Variants in PDE8B observed in about 807,000 individuals in gnomAD.
PDE8B encodes the protein high affinity cAMP-specific and IBMX-insensitive 3',5'-cyclic phosphodiesterase 8B.
PDE8B carries 26 observed loss-of-function variants against 101.3 expected under a neutral mutation model. The ratio of observed to expected loss-of-function variants is 0.26; its 90% CI spans 0.19 to 0.36. The LOEUF is 0.36. PDE8B is among the 10% of genes least tolerant of loss of function. The probability of loss-of-function intolerance (pLI) is 1.00; values close to 1 mark genes in which losing one functional copy is unlikely to be tolerated. For synonymous variants in PDE8B, 424 were observed against 429.3 expected, an observed-to-expected ratio of 0.99 and a Z score of 0.15; for missense variants, 810 against 1,163.1, an observed-to-expected ratio of 0.70 and a Z score of 4.42.
chr5:77,273,864 C>A (rs1223986902), intron 1 of PDE8B, among the ~76,000 whole-genome samples: 1 of 150,098 alleles, frequency 6.7e-6, no homozygotes, highest in Non-Finnish European at 1.5e-5. Flanking sequence ...TTCTTGTTGC[C>A]CAGGCTGGAG....
intron 1 of PDE8B, among the ~76,000 whole-genome samples, chr5:77,236,121 G>A (rs1410044887): frequency 6.6e-6 from 1 of 152,246 alleles, no homozygotes; most frequent in African/African-American, 2.4e-5. Context: ...AAGGGAGTGA[G>A]CCATGTGGCT....
chr5:77,231,611 A>G (rs556123814), intron 1 of PDE8B, among the ~76,000 whole-genome samples: 65 of 152,360 alleles, frequency 4.3e-4, no homozygotes, highest in Middle Eastern at 6.8e-3. Flanking sequence ...AATTGATTGC[A>G]GTTGTCAAAG....
At chr5:77,315,382 G>A (rs1273533585) in intron 2 of PDE8B, among the ~76,000 whole-genome samples, 2 of 152,102 alleles carry the variant, frequency 1.3e-5, no homozygotes, top group African/African-American at 4.8e-5. Flanking sequence ...ATTAATGTCT[G>A]ATTGTTTCCA....
chr5:77,361,109 C>G (rs1409276734), intron 10 of PDE8B, among the ~76,000 whole-genome samples: 1 of 152,206 alleles, frequency 6.6e-6, no homozygotes, highest in African/African-American at 2.4e-5. Context: ...CATGTGTGCT[C>G]TTGACATTTG....
intron 1 of PDE8B, among the ~76,000 whole-genome samples, chr5:77,283,595 CGGA>C (rs1765438953): frequency 6.6e-6 from 1 of 152,176 alleles, no homozygotes; most frequent in South Asian, 2.1e-4. Context: ...ATGGCCTTTT[CGGA>C]TTGACTTGAC....
chr5:77,297,635 A>G (rs1273092637), intron 1 of PDE8B, among the ~76,000 whole-genome samples: 6 of 152,102 alleles, frequency 3.9e-5, no homozygotes, highest in African/African-American at 7.2e-5. Flanking sequence ...CCAGCCAACT[A>G]CAATCCAGCT....
At chr5:77,301,110 A>AAGTG (rs994095656) in intron 1 of PDE8B, among the ~76,000 whole-genome samples, 22 of 152,204 alleles carry the variant, frequency 1.4e-4, no homozygotes, top group African/African-American at 4.6e-4. Flanking sequence ...AGAGTCGGGA[A>AAGTG]AGTGAGTGTG....
chr5:77,164,313 G>A, the PDE8B span, among the ~76,000 whole-genome samples: 1 of 152,118 alleles, frequency 6.6e-6, no homozygotes, highest in African/African-American at 2.4e-5. Flanking sequence ...TAATGTGTGT[G>A]TTGTACCTAT....
the PDE8B span, among the ~76,000 whole-genome samples, chr5:77,157,724 T>C: frequency 2.4e-4 from 36 of 152,366 alleles, no homozygotes; most frequent in African/African-American, 8.4e-4. Flanking sequence ...TAGCTTAATT[T>C]GTGTTATGAA....
the PDE8B span, among the ~76,000 whole-genome samples, chr5:77,203,372 C>G: frequency 4.6e-5 from 7 of 152,182 alleles, no homozygotes; most frequent in Non-Finnish European, 8.8e-5. Flanking sequence ...AATGTTAACG[C>G]AATTCTCTTG....
chr5:77,317,738 G>A (rs1774074361), intron 2 of PDE8B, among the ~76,000 whole-genome samples: 1 of 152,098 alleles, frequency 6.6e-6, no homozygotes, highest in South Asian at 2.1e-4. Context: ...GAATGTATGT[G>A]TTTCTGCTTA....
the PDE8B span, among the ~76,000 whole-genome samples, chr5:77,191,187 C>T: frequency 3.9e-5 from 6 of 152,110 alleles, no homozygotes; most frequent in East Asian, 1.2e-3. Flanking sequence ...CCTCATTTAA[C>T]CTTAATTACC....
rs1580326119 is a variant in PDE8B, at chr5:77,210,749, C to T, written c.-177C>T. On this transcript the variant is annotated 5_prime_UTR_variant, in exon 1 of 22. Transcript: ENST00000264917. This position sits in a 1 kb window ranked among gnomAD's most constrained non-coding sequence, Gnocchi z 4.9. ...GGAAAGTTGGGGTGACGCGCGCGGT[C>T]CCCGGAGGCTCGGCGGGGGGCACCG... 1 of 981,802 alleles carries T rather than the reference C, an allele frequency of 1.0e-6. No individual in the cohort carries two copies. The highest frequency in any genetic ancestry group is 6.3e-5 in the Admixed American group (1 of 15,930). 60.8% of individuals were successfully genotyped at this position (981,802 alleles called of 1,614,324 possible). A position where few individuals can be genotyped will look rare whatever the true frequency, so the allele number is the denominator to read the frequency against.
chr5:77,240,519 A>T (rs978645701), intron 1 of PDE8B, among the ~76,000 whole-genome samples: 2 of 152,238 alleles, frequency 1.3e-5, no homozygotes, highest in African/African-American at 2.4e-5. Context: ...GATTCTACTC[A>T]TGTAGAAAGA....
chr5:77,247,589 AGGCCTC>A (rs1350836209), intron 1 of PDE8B, among the ~76,000 whole-genome samples: 8 of 152,144 alleles, frequency 5.3e-5, no homozygotes, highest in African/African-American at 1.9e-4. Context: ...ACCACATGCC[AGGCCTC>A]GGGCTGGGGC....
At chr5:77,370,124 C>T (rs1457386119) in intron 10 of PDE8B, among the ~76,000 whole-genome samples, 1 of 152,120 alleles carries the variant, frequency 6.6e-6, no homozygotes, top group African/African-American at 2.4e-5. Context: ...CTTTAGCGTG[C>T]ATATCATTAG....
chr5:77,128,790 C>T, the PDE8B span, among the ~76,000 whole-genome samples: 1 of 152,196 alleles, frequency 6.6e-6, no homozygotes, highest in South Asian at 2.1e-4. Flanking sequence ...TTCACAGATG[C>T]ATCGGACCAG....
intron 1 of PDE8B, among the ~76,000 whole-genome samples, chr5:77,289,995 G>A (rs541886562): frequency 1.3e-5 from 2 of 152,278 alleles, no homozygotes; most frequent in South Asian, 4.1e-4. Context: ...GCTCAGTAAG[G>A]AGTTTCCAAA....
chr5:77,161,100 A>G, the PDE8B span, among the ~76,000 whole-genome samples: 1 of 152,244 alleles, frequency 6.6e-6, no homozygotes, highest in Non-Finnish European at 1.5e-5. Context: ...TACATACAAT[A>G]AAATGCATCC....
Sources: gnomAD v4.1 joint callset for allele counts (sites outside exome capture counted in the v4.1 genomes callset) on GRCh38, gnomAD v4.1.1 for gene constraint, Gnocchi (gnomAD v3.1) non-coding constraint, MANE v1.5 for transcripts, NCBI Gene and HGNC (gene_info 2026-07-23, HGNC 2026-07-21) for gene names.